The following BNC2 variants were observed in gnomAD, a reference collection of about 807,000 sequenced individuals.
BNC2 encodes basonuclin zinc finger protein 2.
BNC2 carries 20 observed loss-of-function variants against 76.3 expected under a neutral mutation model. That is an observed-to-expected ratio of 0.26 (90% CI 0.18 to 0.38). The LOEUF (loss-of-function observed/expected upper bound fraction) is 0.38, where lower values mean the gene tolerates loss of function less well. Ranked by LOEUF, BNC2 falls within the 10% of genes least tolerant of loss-of-function variation. The pLI, the probability that BNC2 is intolerant of heterozygous loss-of-function variation, is 1.00. For missense variants in BNC2, 1,382 were observed against 1,399.8 expected (o/e 0.99, Z 0.20); for synonymous variants, 582 against 514.8 (o/e 1.13, Z -1.77).
At chr9:16,628,520 C>T (rs1204015097) in intron 3 of BNC2, among the ~76,000 whole-genome samples, 2 of 152,012 alleles carry the variant, frequency 1.3e-5, no homozygotes, top group Non-Finnish European at 2.9e-5. Flanking sequence ...TAAAAGTGTG[C>T]GTATTTATGT....
At chr9:16,459,834 T>C (rs922326785) in intron 5 of BNC2, among the ~76,000 whole-genome samples, 3 of 152,226 alleles carry the variant, frequency 2.0e-5, no homozygotes, top group South Asian at 2.1e-4. Flanking sequence ...TTTTGGCATA[T>C]ATTTTTCATG....
chr9:16,484,966 T>C (rs1233222346), intron 5 of BNC2, among the ~76,000 whole-genome samples: 1 of 152,162 alleles, frequency 6.6e-6, no homozygotes, highest in Non-Finnish European at 1.5e-5. Context: ...AATGTTTGTT[T>C]GAGAACACAA....
At position 16,788,893 on chromosome 9, in the gene BNC2, G is replaced by A. The variant is rs1817422918; in HGVS notation, c.4-50408C>T. Among the ~76,000 whole-genome samples the A allele has an allele frequency of 2.6e-5, 4 of 152,146 alleles. 1 individual carries two copies. In the South Asian group the frequency reaches 8.3e-4, roughly 32 times the overall value. On this transcript the variant is annotated intron_variant, in intron 1 of 6. Transcript: ENST00000380672. ...TCCTTCTAGATTCCCCACCTTAGTT[G>A]AAACGAATTCCACCTCCTACCTCAA...
intron 1 of BNC2, among the ~76,000 whole-genome samples, chr9:16,765,164 ATT>A (rs1430417978): frequency 6.6e-6 from 1 of 152,248 alleles, no homozygotes; most frequent in East Asian, 1.9e-4. Flanking sequence ...CATTTGAGGG[ATT>A]TTTGTCTCTA....
At chr9:16,440,608 G>C (rs7021534) in intron 5 of BNC2, among the ~76,000 whole-genome samples, 32,428 of 151,992 alleles carry the variant, frequency 0.21, 6,372 homozygotes, top group African/African-American at 0.53. Context: ...GAAACCATAG[G>C]AACTGATCAG....
rs148486868 is a variant in BNC2, at chr9:16,462,729, T to C, written c.670-25205A>G. 8.0e-3 allele frequency among the ~76,000 whole-genome samples: 1,217 copies of C among 152,256 alleles called. 13 individuals are homozygous for C. The highest frequency in any genetic ancestry group is 0.028 in the African/African-American group (1,143 of 41,542). On this transcript the variant is annotated intron_variant, in intron 5 of 6. Coordinates refer to ENST00000380672, the MANE Select transcript of BNC2 (RefSeq NM_017637.6). ...CTGCAACACAGATCCAAAGACCAGATCATTTTCTCCATTCCTGCTTGTTCC... is the reference window on the plus strand; with the variant it reads ...CTGCAACACAGATCCAAAGACCAGACCATTTTCTCCATTCCTGCTTGTTCC...
At chr9:16,716,221 T>C (rs1305473699) in intron 3 of BNC2, among the ~76,000 whole-genome samples, 1 of 152,198 alleles carries the variant, frequency 6.6e-6, no homozygotes, top group African/African-American at 2.4e-5. Context: ...AAATAGGATA[T>C]GTCTTCAAGG....
In BNC2 at chr9:16,437,117, A is replaced by C; in HGVS notation, c.1077T>G (p.Thr359=). 6.2e-7 allele frequency: 1 copy of C among 1,614,102 alleles called. No homozygotes were observed. Among genetic ancestry groups the C allele is most frequent in the South Asian group, 1.1e-5 (1 of 91,078 alleles). The change falls in exon 6 of 7, where the codon ACT becomes ACG. Residue 359 remains threonine (T), a synonymous_variant. Coordinates refer to ENST00000380672, the MANE Select transcript of BNC2 (RefSeq NM_017637.6). ...CGCTGCTCTCATTATATTCATTCTG[A>C]GTTGAAAGGCTGGGTTCCCGCAGCC... ...GLRLREPSLS[T]QNEYNESSES... is the part of the protein sequence containing the mutation.
intron 1 of BNC2, among the ~76,000 whole-genome samples, chr9:16,781,780 C>A (rs545172152): frequency 1.3e-5 from 2 of 152,088 alleles, no homozygotes; most frequent in East Asian, 3.9e-4. Flanking sequence ...GAATATTATA[C>A]AGCCATTAAA....
intron 3 of BNC2, among the ~76,000 whole-genome samples, chr9:16,652,568 G>C (rs1260395570): frequency 6.6e-6 from 1 of 152,098 alleles, no homozygotes; most frequent in African/African-American, 2.4e-5. Flanking sequence ...TACACACATT[G>C]AACCTGTCTG....
At chr9:16,741,375 C>T (rs1334199945) in intron 1 of BNC2, among the ~76,000 whole-genome samples, 3 of 151,872 alleles carry the variant, frequency 2.0e-5, no homozygotes, top group Admixed American at 6.6e-5. Context: ...ATCACTTGAA[C>T]CTGGGAGGTG....
chr9:16,825,446 G>A (rs565510625), intron 1 of BNC2, among the ~76,000 whole-genome samples: 1 of 152,228 alleles, frequency 6.6e-6, no homozygotes, highest in Non-Finnish European at 1.5e-5. Context: ...GGAGCTTTGA[G>A]AAAGCTGATA....
intron 5 of BNC2, among the ~76,000 whole-genome samples, chr9:16,457,220 G>A (rs936359152): frequency 6.6e-6 from 1 of 152,130 alleles, no homozygotes; most frequent in Admixed American, 6.5e-5. Flanking sequence ...ATGGAACAAG[G>A]GGTGTCAATA....
intron 5 of BNC2, among the ~76,000 whole-genome samples, chr9:16,545,583 A>C (rs1818455606): frequency 6.6e-6 from 1 of 152,134 alleles, no homozygotes; most frequent in Non-Finnish European, 1.5e-5. Context: ...TTCTGGTCCA[A>C]CTCTATAAAA....
chr9:16,709,647 C>A (rs1823776803), intron 3 of BNC2, among the ~76,000 whole-genome samples: 1 of 152,138 alleles, frequency 6.6e-6, no homozygotes, highest in Non-Finnish European at 1.5e-5. Flanking sequence ...GGAATTGTTT[C>A]CTAATTATTC....
At chr9:16,768,995 C>T (rs533731601) in intron 1 of BNC2, among the ~76,000 whole-genome samples, 1 of 152,252 alleles carries the variant, frequency 6.6e-6, no homozygotes, top group East Asian at 1.9e-4. Flanking sequence ...GGGGGCGGAA[C>T]TTCCAGGTTT....
chr9:16,440,159 G>A (rs1301490300), intron 5 of BNC2, among the ~76,000 whole-genome samples: 1 of 152,150 alleles, frequency 6.6e-6, no homozygotes, highest in South Asian at 2.1e-4. Context: ...GAACAGATGA[G>A]AAATCAGGGG....
intron 1 of BNC2, among the ~76,000 whole-genome samples, chr9:16,861,135 A>T (rs1389686947): frequency 6.7e-6 from 1 of 149,936 alleles, no homozygotes; most frequent in Non-Finnish European, 1.5e-5. Context: ...TGAGGCCAGG[A>T]GTTTGAAACC....
intron 6 of BNC2, among the ~76,000 whole-genome samples, chr9:16,430,629 G>A (rs1820890786): frequency 6.6e-6 from 1 of 152,198 alleles, no homozygotes; most frequent in Non-Finnish European, 1.5e-5. Context: ...CTCATCAGAG[G>A]TAGCTCATGT....
Sources: gnomAD v4.1 joint callset for allele counts (sites outside exome capture counted in the v4.1 genomes callset) on GRCh38, gnomAD v4.1.1 for gene constraint, MANE v1.5 for transcripts, NCBI Gene and HGNC (gene_info 2026-07-23, HGNC 2026-07-21) for gene names.